The following CCM2 variants were observed in gnomAD, a reference collection of about 807,000 sequenced individuals.
CCM2 encodes CCM2 scaffold protein.
CCM2 carries 25 observed loss-of-function variants against 44.9 expected under a neutral mutation model. The observed-to-expected ratio is 0.56, with a 90% CI of 0.41 to 0.78. The LOEUF (loss-of-function observed/expected upper bound fraction) is 0.78. Ranked by LOEUF, CCM2 falls within the 30% of genes least tolerant of loss-of-function variation. The pLI, the probability that CCM2 is intolerant of heterozygous loss-of-function variation, is 0.00. For synonymous variants in CCM2, 219 were observed against 241.1 expected (o/e 0.91, Z 0.85); for missense variants, 481 against 580.6 (o/e 0.83, Z 1.76).
chr7:45,068,247 G>A (rs531135836), intron 4 of CCM2, 196 bp from the exon 5 acceptor site: 3 of 659,698 alleles, frequency 4.5e-6, no homozygotes, highest in East Asian at 2.7e-5. Flanking sequence ...TTGGAGCTCA[G>A]GGGTCGCGTG....
intron 1 of CCM2, among the ~76,000 whole-genome samples, chr7:45,018,352 ATTAT>A (rs528589048): frequency 7.2e-5 from 11 of 151,870 alleles, no homozygotes; most frequent in Admixed American, 6.6e-4. Flanking sequence ...AGCATTTTTT[ATTAT>A]TTATTTATTT....
At chr7:45,052,990 C>T (rs1417679796) in intron 2 of CCM2, among the ~76,000 whole-genome samples, 1 of 152,298 alleles carries the variant, frequency 6.6e-6, no homozygotes, top group Non-Finnish European at 1.5e-5. Flanking sequence ...TCTTGTATTA[C>T]GTCTCTTATA....
intron 1 of CCM2, among the ~76,000 whole-genome samples, chr7:45,029,177 C>T (rs578058675): frequency 5.3e-5 from 8 of 152,088 alleles, no homozygotes; most frequent in Non-Finnish European, 1.2e-4. Context: ...GGGGCAGGGA[C>T]GGTGGCTTCT....
intron 1 of CCM2, among the ~76,000 whole-genome samples, chr7:45,008,077 C>G (rs1410346913): frequency 7.1e-6 from 1 of 139,968 alleles, no homozygotes; most frequent in Non-Finnish European, 1.5e-5. Flanking sequence ...GAGTCTTGCT[C>G]TGCTGCCCAG....
chr7:45,014,366 C>G (rs1163648950), intron 1 of CCM2, among the ~76,000 whole-genome samples: 1 of 152,170 alleles, frequency 6.6e-6, no homozygotes, highest in African/African-American at 2.4e-5. Context: ...GTCTCGAACT[C>G]CTGACCTCGT....
In CCM2 at chr7:45,069,877, T is replaced by C; in HGVS notation, c.661T>C (p.Tyr221His). ...CLLGQVFQVV[Y>H]TESTIDFLDR... ...GCTAGGCCAGGTCTTCCAGGTTGTT[T>C]ACACGGAGTCCACCATCGACTTTCT... Residue 221 changes from tyrosine (Y) to histidine (H), a missense_variant, in exon 6 of 10, where the codon TAC becomes CAC. By Grantham distance (83) the Tyr-to-His change is moderately conservative. Transcript: ENST00000258781. 7 of 1,614,226 alleles carry C rather than the reference T, an allele frequency of 4.3e-6. No homozygotes were observed. The highest frequency in any genetic ancestry group is 5.9e-6 in the Non-Finnish European group (7 of 1,180,044).
At chr7:45,024,277 C>G (rs780928686) in intron 1 of CCM2, among the ~76,000 whole-genome samples, 1 of 152,212 alleles carries the variant, frequency 6.6e-6, no homozygotes, top group Non-Finnish European at 1.5e-5. Flanking sequence ...ATTCAGCAGT[C>G]AGTCAAACAT....
At chr7:45,000,591 C>T (rs980741733) in intron 1 of CCM2, among the ~76,000 whole-genome samples, 1 of 152,126 alleles carries the variant, frequency 6.6e-6, no homozygotes, top group South Asian at 2.1e-4. Flanking sequence ...CGGCTCGCCC[C>T]GACCTCGGCC....
chr7:45,048,516 TTCCTC>T (rs751723564), intron 2 of CCM2, among the ~76,000 whole-genome samples: 18 of 152,330 alleles, frequency 1.2e-4, no homozygotes, highest in Non-Finnish European at 2.1e-4. Context: ...AGTAGAAACA[TTCCTC>T]TGGGAGGCCG....
chr7:45,015,509 G>A (rs1796230454), intron 1 of CCM2, among the ~76,000 whole-genome samples: 2 of 152,104 alleles, frequency 1.3e-5, no homozygotes, highest in South Asian at 2.1e-4. Context: ...GGAGGGGGAG[G>A]TGAGGATGAA....
chr7:45,072,029 T>C (rs1799103084), intron 6 of CCM2: 1 of 363,856 alleles, frequency 2.7e-6, no homozygotes, highest in African/African-American at 2.1e-5. Flanking sequence ...TCTCAGCCTC[T>C]CCCTCTGCTT....
intron 7 of CCM2, chr7:45,073,193 A>G (rs1479891762): frequency 5.2e-6 from 3 of 580,566 alleles, no homozygotes; most frequent in Admixed American, 3.0e-5. Context: ...CCCCTGCCCA[A>G]CAATGCTGCC....
rs555145110 is a variant in CCM2 at position 45,034,237 on chromosome 7, GTC to G, written c.31-4008_31-4007del. 6.5e-3 allele frequency among the ~76,000 whole-genome samples: 979 copies of G among 151,748 alleles called. 15 individuals are homozygous for G. The highest frequency in any genetic ancestry group is 0.022 in the African/African-American group (922 of 41,348). On this transcript the variant is annotated intron_variant, in intron 1 of 9. Coordinates refer to ENST00000258781, the MANE Select transcript of CCM2 (RefSeq NM_031443.4). ...TTTTTTTTTTTTGTTTTGAGACGGAGTCTCTCTCTTGTTGCCCAGGCTGGAGT... is the reference window on the plus strand; with the variant it reads ...TTTTTTTTTTTTGTTTTGAGACGGAGTCTCTCTTGTTGCCCAGGCTGGAGT...
At chr7:45,002,234 G>A (rs1795667203) in intron 1 of CCM2, among the ~76,000 whole-genome samples, 1 of 152,210 alleles carries the variant, frequency 6.6e-6, no homozygotes, top group African/African-American at 2.4e-5. Flanking sequence ...GTTTTATGAA[G>A]GTACAGTTTG....
chr7:45,020,567 G>C (rs1796444421), intron 1 of CCM2, among the ~76,000 whole-genome samples: 1 of 152,182 alleles, frequency 6.6e-6, no homozygotes, highest in Admixed American at 6.6e-5. Context: ...TAATGCATCT[G>C]TAGGATTAAT....
chr7:45,049,419 C>T (rs10280402), intron 2 of CCM2, among the ~76,000 whole-genome samples: 20,299 of 152,224 alleles, frequency 0.13, 1,661 homozygotes, highest in Middle Eastern at 0.23. Context: ...TATGAGCTTA[C>T]ACATGCATTT....
upstream of CCM2, chr7:44,999,798 C>A (rs1562847367): frequency 1.1e-5 from 5 of 441,560 alleles, no homozygotes; most frequent in Admixed American, 2.4e-5. Context: ...AAAGTTGGAG[C>A]TGCTCCCGCG....
At chr7:45,040,922 G>A (rs530086771) in intron 2 of CCM2, among the ~76,000 whole-genome samples, 81 of 152,290 alleles carry the variant, frequency 5.3e-4, no homozygotes, top group Non-Finnish European at 1.0e-3. Context: ...CCCGGGAGGC[G>A]GAGGTTGCAG....
intron 2 of CCM2, among the ~76,000 whole-genome samples, chr7:45,048,902 T>C (rs987588240): frequency 6.6e-6 from 1 of 152,238 alleles, no homozygotes; most frequent in African/African-American, 2.4e-5. Context: ...GTTTTAATAA[T>C]GGGACAGGGT....
Sources: allele counts gnomAD v4.1 joint callset (sites outside exome capture counted in the v4.1 genomes callset), GRCh38; gene constraint gnomAD v4.1.1; transcripts MANE v1.5; gene names NCBI Gene and HGNC (gene_info 2026-07-23, HGNC 2026-07-21).